The following SSTR3 variants were observed in gnomAD, a reference collection of about 807,000 sequenced individuals.
SSTR3 encodes somatostatin receptor 3, also known as somatostatin receptor type 3.
For synonymous variants in SSTR3, 281 were observed against 269.2 expected (o/e 1.04, Z -0.43); for missense variants, 504 against 604.7 (o/e 0.83, Z 1.75).
rs86583 is a variant in SSTR3 at position 37,207,705 on chromosome 22, C to A, written c.99G>T (p.Ala33=). Reference sequence around the variant, plus strand: ...CGGCCAGCCCTGCCGGGCTTGGGCCCGCCGACACGTTGCCCAGGGTGGCAT... The same window carrying A: ...CGGCCAGCCCTGCCGGGCTTGGGCCAGCCGACACGTTGCCCAGGGTGGCAT... The part of the protein sequence containing the change: ...PPDATLGNVS[A]GPSPAGLAVS... The change falls in exon 2 of 2, where the codon GCG becomes GCT. Residue 33 remains alanine (A), a synonymous_variant. Transcript: ENST00000610913. The A allele has an allele frequency of 6.5e-7, 1 of 1,545,854 alleles. No individual in the cohort carries two copies. The highest frequency in any genetic ancestry group is 2.3e-5 in the East Asian group (1 of 44,018).
upstream of SSTR3, among the ~76,000 whole-genome samples, chr22:37,217,344 T>G (rs191484202): frequency 6.6e-6 from 1 of 152,348 alleles, no homozygotes; most frequent in African/African-American, 2.4e-5. Context: ...TATTCTGGAA[T>G]CTTCTAGGAT....
At chr22:37,217,253 C>T (rs772739627), upstream of SSTR3, among the ~76,000 whole-genome samples, 15 of 152,056 alleles carry the variant, frequency 9.9e-5, no homozygotes, top group South Asian at 2.1e-4. Flanking sequence ...TGATGGAAGG[C>T]GTCTGTCGGT....
rs185130379 is a variant in SSTR3, at chr22:37,212,235, G to C, written c.-447C>G. Reference sequence around the variant, plus strand: ...AGAGAGAGAGAGAGAAAGAGGGAGGGGGAGAGAGAGAGAGGGAGAGGGAGA... The same window carrying C: ...AGAGAGAGAGAGAGAAAGAGGGAGGCGGAGAGAGAGAGAGGGAGAGGGAGA... On this transcript the variant is annotated 5_prime_UTR_variant, in exon 1 of 2. Transcript: ENST00000610913. 4.6e-3 allele frequency: 3,271 copies of C among 714,980 alleles called. 22 individuals carry two copies. Among genetic ancestry groups the C allele is most frequent in the Admixed American group, 5.8e-3 (92 of 15,876 alleles). 44.3% of individuals were successfully genotyped at this position (714,980 alleles called of 1,614,324 possible). A position where few individuals can be genotyped will look rare whatever the true frequency, so the allele number is the denominator to read the frequency against.
chr22:37,215,353 A>G (rs1015380430), upstream of SSTR3, among the ~76,000 whole-genome samples: 16 of 152,168 alleles, frequency 1.1e-4, no homozygotes, highest in Non-Finnish European at 2.2e-4. Flanking sequence ...AAGTACTGGG[A>G]TTATAGGCAT....
intron 1 of SSTR3, among the ~76,000 whole-genome samples, chr22:37,209,407 G>A (rs1324372517): frequency 6.6e-6 from 1 of 152,194 alleles, no homozygotes; most frequent in Non-Finnish European, 1.5e-5. Flanking sequence ...CTGTTCTTGG[G>A]GCTGGGAGAA....
the SSTR3 span, among the ~76,000 whole-genome samples, chr22:37,219,208 G>A: frequency 1.3e-5 from 2 of 152,046 alleles, no homozygotes; most frequent in African/African-American, 4.8e-5. Context: ...GCCTTGAGAC[G>A]AGAGTCTCTT....
the SSTR3 span, among the ~76,000 whole-genome samples, chr22:37,219,906 G>A: frequency 9.2e-5 from 14 of 152,242 alleles, no homozygotes; most frequent in South Asian, 1.0e-3. Flanking sequence ...CAGCTGGGTC[G>A]CTGGCATGGT....
chr22:37,216,898 C>A (rs190853952), upstream of SSTR3, among the ~76,000 whole-genome samples: 1 of 152,202 alleles, frequency 6.6e-6, no homozygotes, highest in African/African-American at 2.4e-5. Context: ...CCTCCCAGGC[C>A]CAAGCGATCT....
intron 1 of SSTR3, among the ~76,000 whole-genome samples, chr22:37,208,250 A>G (rs2145802777): frequency 6.6e-6 from 1 of 152,310 alleles, no homozygotes; most frequent in African/African-American, 2.4e-5. Context: ...ACACTGCTTC[A>G]TATCACAGGA....
intron 1 of SSTR3, chr22:37,210,884 G>T: frequency 1.0e-6 from 1 of 985,480 alleles, no homozygotes; most frequent in Non-Finnish European, 1.2e-6. Flanking sequence ...ACCCAGAACA[G>T]CCATAAATGT....
chr22:37,206,493 G>A lies in SSTR3; in HGVS notation c.*54C>T. 6.5e-7 allele frequency: 1 copy of A among 1,540,832 alleles called. No homozygotes were observed. The highest frequency in any genetic ancestry group is 2.3e-5 in the East Asian group (1 of 44,316). ...TGGCACCTTGGGAAGTAGGCCCTAGGCACACCCACGGCTTCTGCCTCTTCC... is the reference window on the plus strand; with the variant it reads ...TGGCACCTTGGGAAGTAGGCCCTAGACACACCCACGGCTTCTGCCTCTTCC... On this transcript the variant is annotated 3_prime_UTR_variant, in exon 2 of 2. Transcript: ENST00000610913.
chr22:37,219,648 G>A, the SSTR3 span, among the ~76,000 whole-genome samples: 1 of 152,164 alleles, frequency 6.6e-6, no homozygotes, highest in Non-Finnish European at 1.5e-5. Context: ...ATAACGAAGA[G>A]TCTAGACTCC....
At chr22:37,218,424 G>A in the SSTR3 span, among the ~76,000 whole-genome samples, 224 of 152,228 alleles carry the variant, frequency 1.5e-3, no homozygotes, top group East Asian at 6.4e-3. Context: ...GCGTGGTGGC[G>A]CATGCCTGTA....
Position 37,205,523 on chromosome 22 carries a change from CTGCCTTTCCATGCCAGTCCTCA to C in SSTR3, c.*1002_*1023del, listed in dbSNP as rs1396242334. 1 of 152,746 alleles carries C rather than the reference CTGCCTTTCCATGCCAGTCCTCA, an allele frequency of 6.5e-6. No homozygotes were observed. Among genetic ancestry groups the C allele is most frequent in the African/African-American group, 2.4e-5 (1 of 41,420 alleles). 9.5% of individuals were successfully genotyped at this position (152,746 alleles called of 1,614,324 possible). On this transcript the variant is annotated 3_prime_UTR_variant, in exon 2 of 2. Transcript: ENST00000610913. ...CTCCTCACAGCGCTCTTCAGACACT[CTGCCTTTCCATGCCAGTCCTCA>C]TGGGCTGGGTCCCTGTCTCGGTCTC...
At chr22:37,215,131 CT>C (rs1397645396), upstream of SSTR3, among the ~76,000 whole-genome samples, 1 of 152,244 alleles carries the variant, frequency 6.6e-6, no homozygotes, top group Non-Finnish European at 1.5e-5. Context: ...CTTTATGCCC[CT>C]TATGCCTCGG....
the SSTR3 span, among the ~76,000 whole-genome samples, chr22:37,219,156 T>C: frequency 6.6e-6 from 1 of 152,220 alleles, no homozygotes; most frequent in Non-Finnish European, 1.5e-5. Flanking sequence ...TCGTGGCTGC[T>C]TTTCAGCGAG....
chr22:37,219,664 G>A, the SSTR3 span, among the ~76,000 whole-genome samples: 1 of 152,320 alleles, frequency 6.6e-6, no homozygotes, highest in Admixed American at 6.5e-5. Flanking sequence ...ACTCCAAAAA[G>A]TCAAGGTTTC....
chr22:37,206,445 CTCAACATCCCA>C lies in SSTR3; in HGVS notation c.*91_*101del. On this transcript the variant is annotated 3_prime_UTR_variant, in exon 2 of 2. Coordinates refer to ENST00000610913, the MANE Select transcript of SSTR3 (RefSeq NM_001051.5). ...AGCAATAGCATCAAAGTCCAGGCCC[CTCAACATCCCA>C]TCATGGGCCTGTGGCACCTTGGGAA... 2 of 1,489,064 alleles carry C rather than the reference CTCAACATCCCA, an allele frequency of 1.3e-6. No individual in the cohort carries two copies. The highest frequency in any genetic ancestry group is 1.8e-6 in the Non-Finnish European group (2 of 1,125,038). The allele number at this position is 1,489,064 out of a possible 1,614,324, so 92.2% of individuals were successfully genotyped here. A position where few individuals can be genotyped will look rare whatever the true frequency, so the allele number is the denominator to read the frequency against.
At chr22:37,211,312 T>TG (rs1423700947) in intron 1 of SSTR3, among the ~76,000 whole-genome samples, 1 of 152,186 alleles carries the variant, frequency 6.6e-6, no homozygotes, top group Non-Finnish European at 1.5e-5. Context: ...GCCTGGGGCC[T>TG]GATCCCAGGA....
Sources: gnomAD v4.1 joint callset for allele counts (sites outside exome capture counted in the v4.1 genomes callset) on GRCh38, gnomAD v4.1.1 for gene constraint, MANE v1.5 for transcripts, NCBI Gene and HGNC (gene_info 2026-07-23, HGNC 2026-07-21) for gene names.